Variants in FANCD2OS observed in about 807,000 individuals in gnomAD.
FANCD2OS encodes the protein FANCD2 opposite strand protein.
In FANCD2OS, 11 loss-of-function variants were observed where a neutral mutation model predicts 13.2. The observed-to-expected ratio is 0.83, with a 90% CI of 0.52 to 1.38. The LOEUF is 1.38. FANCD2OS is among the 40% of genes most tolerant of loss of function. The pLI is 0.00. For synonymous variants in FANCD2OS, 69 were observed against 84.5 expected, an observed-to-expected ratio of 0.82 and a Z score of 1.01; for missense variants, 217 against 213.9, an observed-to-expected ratio of 1.01 and a Z score of -0.09.
intron 2 of FANCD2OS, among the ~76,000 whole-genome samples, chr3:10,085,633 G>A (rs187670254): frequency 5.3e-5 from 8 of 151,794 alleles, no homozygotes; most frequent in African/African-American, 1.5e-4. Context: ...CTCGTTATTC[G>A]CCCGCCTCAG....
intron 2 of FANCD2OS, among the ~76,000 whole-genome samples, chr3:10,085,383 CTTT>C (rs142081081): frequency 1.2e-4 from 18 of 149,184 alleles, no homozygotes; most frequent in African/African-American, 4.4e-4. Flanking sequence ...ATTCTTTTTT[CTTT>C]TTTCTTTCTT....
In FANCD2OS at chr3:10,094,874, G is replaced by C. The variant is rs1694859380; in HGVS notation, c.*43+9324C>G. On this transcript the variant is annotated intron_variant, in intron 2 of 2. Coordinates refer to the FANCD2OS transcript ENST00000524279. ...TTGAACAAAATACTCACCATATTTG[G>C]TTGGTCCCTCACAGCCCTGAAAGAG... is the stretch of plus-strand genomic sequence containing the variant. The C allele has an allele frequency of 7.6e-6, 3 of 394,862 alleles. No homozygotes were observed. The Admixed American group carries it at 1.1e-4, about 15-fold the overall frequency. 24.5% of individuals were successfully genotyped at this position (394,862 alleles called of 1,614,324 possible).
intron 1 of FANCD2OS, among the ~76,000 whole-genome samples, chr3:10,107,018 T>G (rs1056332545): frequency 1.3e-5 from 2 of 152,228 alleles, no homozygotes; most frequent in Non-Finnish European, 2.9e-5. Context: ...ATGATCTATG[T>G]AGGCTCTTTG....
rs758749466 is a variant in FANCD2OS, at chr3:10,088,531, T to C, written c.*44-7000A>G. 24 of 1,600,312 alleles carry C rather than the reference T, an allele frequency of 1.5e-5. No homozygotes were observed. The highest frequency in any genetic ancestry group is 8.6e-7 in the Non-Finnish European group (1 of 1,167,520). On this transcript the variant is annotated intron_variant, in intron 2 of 2. Transcript: ENST00000524279. ...GCAACATCTCTAATGACCAGCTCCA[T>C]GCTCTGCTCTGGTGAGATGTTTGGT...
intron 2 of FANCD2OS, among the ~76,000 whole-genome samples, chr3:10,095,537 G>T (rs1356518267): frequency 6.6e-6 from 1 of 152,180 alleles, no homozygotes; most frequent in Non-Finnish European, 1.5e-5. Flanking sequence ...TAGAATGCTG[G>T]TATATGTTTA....
Position 10,093,279 on chromosome 3 carries a change from C to A in FANCD2OS, c.*43+10919G>T. ...AGCCTTGGTTTCTTGTCTTTCACCT[C>A]TCCAGGTATTTGATAGTCATCCTGT... On this transcript the variant is annotated intron_variant, in intron 2 of 2. Coordinates refer to the FANCD2OS transcript ENST00000524279. 2.5e-6 allele frequency: 4 copies of A among 1,612,932 alleles called. No homozygotes were observed. Among genetic ancestry groups the A allele is most frequent in the Non-Finnish European group, 3.4e-6 (4 of 1,178,888 alleles).
chr3:10,097,039 C>T (rs1478706507), intron 2 of FANCD2OS, among the ~76,000 whole-genome samples: 2 of 152,002 alleles, frequency 1.3e-5, no homozygotes, highest in African/African-American at 4.8e-5. Flanking sequence ...TCCGTGATGC[C>T]CCACAAGCCA....
At chr3:10,091,453 C>A (rs1376889964) in intron 2 of FANCD2OS, among the ~76,000 whole-genome samples, 1 of 150,026 alleles carries the variant, frequency 6.7e-6, no homozygotes, top group East Asian at 2.0e-4. Flanking sequence ...ACCTGGATGT[C>A]AGACTCAGAC....
At chr3:10,091,328 G>A (rs569954735) in intron 2 of FANCD2OS, among the ~76,000 whole-genome samples, 16 of 150,928 alleles carry the variant, frequency 1.1e-4, no homozygotes, top group African/African-American at 3.2e-4. Flanking sequence ...CAATCCTCCC[G>A]CCTCAGCCTC....
At chr3:10,085,025 A>G (rs1358262619) in intron 2 of FANCD2OS, among the ~76,000 whole-genome samples, 1 of 152,234 alleles carries the variant, frequency 6.6e-6, no homozygotes, top group Non-Finnish European at 1.5e-5. Context: ...GGAAGGGACA[A>G]TATGAAAGGT....
At chr3:10,095,663 C>G (rs1177936037) in intron 2 of FANCD2OS, among the ~76,000 whole-genome samples, 4 of 152,192 alleles carry the variant, frequency 2.6e-5, no homozygotes, top group African/African-American at 9.7e-5. Flanking sequence ...CACTTACTTT[C>G]AAGGAACTCA....
intron 2 of FANCD2OS, among the ~76,000 whole-genome samples, chr3:10,082,605 G>A (rs56048698): frequency 2.8e-4 from 43 of 152,004 alleles, no homozygotes; most frequent in Middle Eastern, 6.8e-3. Flanking sequence ...TAGCTTTTAC[G>A]TGGGAGGCTT....
Position 10,087,274 on chromosome 3 carries a change from C to T in FANCD2OS, c.*44-5743G>A, listed in dbSNP as rs200208121. ...AACAAAGAAAAAATTGGTGATGGGC[C>T]TAGATCCTTTTTTTTTTTTTTTTTT... On this transcript the variant is annotated intron_variant, in intron 2 of 2. Transcript: ENST00000524279. The T allele has an allele frequency of 1.2e-4, 183 of 1,532,718 alleles. No homozygotes were observed. In the Admixed American group the frequency reaches 1.9e-3, roughly 16 times the overall value. The allele number at this position is 1,532,718 out of a possible 1,614,324, so 94.9% of individuals were successfully genotyped here. A position where few individuals can be genotyped will look rare whatever the true frequency, so the allele number is the denominator to read the frequency against.
intron 2 of FANCD2OS, among the ~76,000 whole-genome samples, chr3:10,096,831 A>AT (rs966722004): frequency 1.3e-5 from 2 of 151,948 alleles, no homozygotes; most frequent in Admixed American, 6.6e-5. Flanking sequence ...TTCTTTTGTT[A>AT]TTTTTTTTCC....
intron 2 of FANCD2OS, chr3:10,095,171 T>C: frequency 1.3e-6 from 2 of 1,572,758 alleles, no homozygotes; most frequent in South Asian, 1.1e-5. Context: ...GGACATTTCA[T>C]AGAGCATTTA....
chr3:10,088,675 A>G (rs139397618), intron 2 of FANCD2OS: 1 of 1,094,066 alleles, frequency 9.1e-7, no homozygotes, highest in Non-Finnish European at 1.4e-6. Context: ...AATGAACACA[A>G]TTTGGAACAT....
At chr3:10,099,404 C>CT, downstream of FANCD2OS, 3 of 1,008,520 alleles carry the variant, frequency 3.0e-6, no homozygotes, top group Non-Finnish European at 3.7e-6. Flanking sequence ...AGGAGGATTG[C>CT]TTGAGTCCGG....
At chr3:10,081,664 A>T (rs1693846177) in intron 2 of FANCD2OS, 3 of 610,550 alleles carry the variant, frequency 4.9e-6, no homozygotes, top group Admixed American at 2.6e-5. Flanking sequence ...CCACTATGTT[A>T]ACCCATTTGA....
intron 2 of FANCD2OS, among the ~76,000 whole-genome samples, chr3:10,082,853 T>G: frequency 6.6e-6 from 1 of 152,212 alleles, no homozygotes; most frequent in East Asian, 1.9e-4. Flanking sequence ...GTCTGTCATT[T>G]TTATATCCTC....
Sources: allele counts gnomAD v4.1 joint callset (sites outside exome capture counted in the v4.1 genomes callset), GRCh38; gene constraint gnomAD v4.1.1; transcripts MANE v1.5; gene names NCBI Gene and HGNC (gene_info 2026-07-23, HGNC 2026-07-21).